The following TGFBR2 variants were observed in gnomAD, a reference collection of about 807,000 sequenced individuals.
The protein encoded by TGFBR2 is TGF-beta receptor type-2.
In TGFBR2, 18 loss-of-function variants were observed where a neutral mutation model predicts 49.0. That is an observed-to-expected ratio of 0.37 (90% CI 0.25 to 0.54). TGFBR2 has a LOEUF of 0.54. TGFBR2 is among the 20% of genes least tolerant of loss of function. The pLI, the probability that TGFBR2 is intolerant of heterozygous loss-of-function variation, is 0.85. For synonymous variants in TGFBR2, 282 were observed against 275.9 expected, an observed-to-expected ratio of 1.02 and a Z score of -0.22; for missense variants, 525 against 722.6, an observed-to-expected ratio of 0.73 and a Z score of 3.13.
At chr3:30,639,388 A>T (rs1698603398) in intron 1 of TGFBR2, among the ~76,000 whole-genome samples, 1 of 152,230 alleles carries the variant, frequency 6.6e-6, no homozygotes, top group South Asian at 2.1e-4. Flanking sequence ...GGCCTCATCC[A>T]ATCAACTGAA....
chr3:30,608,644 A>G (rs1697980428), intron 1 of TGFBR2, among the ~76,000 whole-genome samples: 1 of 152,220 alleles, frequency 6.6e-6, no homozygotes, highest in Non-Finnish European at 1.5e-5. Context: ...TTTAAAAATT[A>G]TGGCATACAT....
intron 3 of TGFBR2, among the ~76,000 whole-genome samples, chr3:30,666,211 AAATT>A (rs1358949493): frequency 6.6e-6 from 1 of 152,206 alleles, no homozygotes; most frequent in Non-Finnish European, 1.5e-5. Context: ...GGCCTTGGAT[AAATT>A]CCACCCTTAT....
chr3:30,671,589 T>C, intron 3 of TGFBR2, 49 bp from the exon 4 acceptor site: 2 of 1,600,420 alleles, frequency 1.2e-6, no homozygotes, highest in Non-Finnish European at 1.7e-6. Context: ...CTGACAGTAC[T>C]TACCTACCAC....
intron 1 of TGFBR2, among the ~76,000 whole-genome samples, chr3:30,618,742 G>T (rs1698176463): frequency 6.6e-6 from 1 of 152,160 alleles, no homozygotes; most frequent in South Asian, 2.1e-4. Flanking sequence ...TCAGGAAGTG[G>T]TTTTACTCTT....
chr3:30,607,009 C>A, intron 1 of TGFBR2, 32 bp downstream of exon 1: 1 of 1,540,428 alleles, frequency 6.5e-7, no homozygotes, highest in Non-Finnish European at 8.8e-7. Flanking sequence ...CTCGGCGGGG[C>A]GCCGGGGGTC....
At chr3:30,644,115 A>G (rs1011895867) in intron 1 of TGFBR2, among the ~76,000 whole-genome samples, 1 of 152,230 alleles carries the variant, frequency 6.6e-6, no homozygotes, top group East Asian at 1.9e-4. Context: ...ATTTGCCTCA[A>G]ACACAGAGAG....
chr3:30,668,314 C>A (rs1440334662), intron 3 of TGFBR2, among the ~76,000 whole-genome samples: 9 of 152,184 alleles, frequency 5.9e-5, no homozygotes, highest in Non-Finnish European at 1.3e-4. Flanking sequence ...ATCAGATAAT[C>A]AAGTGGATTT....
At chr3:30,629,262 A>G (rs1405734715) in intron 1 of TGFBR2, among the ~76,000 whole-genome samples, 1 of 152,226 alleles carries the variant, frequency 6.6e-6, no homozygotes, top group African/African-American at 2.4e-5. Flanking sequence ...GTTAATTTAA[A>G]TTTATAAATC....
At chr3:30,645,341 T>C (rs1698711394) in intron 2 of TGFBR2, among the ~76,000 whole-genome samples, 1 of 152,078 alleles carries the variant, frequency 6.6e-6, no homozygotes, top group African/African-American at 2.4e-5. Context: ...GGTTGGCTGT[T>C]GGAAGAGAAA....
intron 6 of TGFBR2, among the ~76,000 whole-genome samples, chr3:30,690,338 T>C (rs544657251): frequency 3.3e-5 from 5 of 152,350 alleles, no homozygotes; most frequent in Middle Eastern, 3.4e-3. Context: ...GAGAGAAAAC[T>C]CTTGCCACCT....
chr3:30,648,460 A>ACACACACACACACC (rs1553627538), intron 2 of TGFBR2, among the ~76,000 whole-genome samples: 8,050 of 142,346 alleles, frequency 0.057, 422 homozygotes, highest in South Asian at 0.08. Flanking sequence ...ACACACACAC[A>ACACACACACACACC]CAAAACTGTG....
At chr3:30,616,193 ATTTG>A (rs1269167017) in intron 1 of TGFBR2, among the ~76,000 whole-genome samples, 2 of 152,098 alleles carry the variant, frequency 1.3e-5, no homozygotes, top group East Asian at 1.9e-4. Flanking sequence ...TAATGGTAGG[ATTTG>A]TTTGTTGGTT....
chr3:30,640,651 A>G (rs561495149), intron 1 of TGFBR2, among the ~76,000 whole-genome samples: 124 of 136,314 alleles, frequency 9.1e-4, no homozygotes, highest in African/African-American at 2.9e-3. Flanking sequence ...ACAATCATCA[A>G]TTTTTTTAAA....
rs1699756461 is a variant in TGFBR2 at position 30,694,064 on chromosome 3, A to G, written c.*2465A>G. 4.3e-6 allele frequency: 1 copy of G among 230,584 alleles called. No individual in the cohort carries two copies. Among genetic ancestry groups the G allele is most frequent in the Non-Finnish European group, 8.6e-6 (1 of 116,210 alleles). The allele number at this position is 230,584 out of a possible 1,614,324, so 14.3% of individuals were successfully genotyped here. A position where few individuals can be genotyped will look rare whatever the true frequency, so the allele number is the denominator to read the frequency against. ...TATGCATTGTTTGTCTTTTACATAA[A>G]TAAAATGTTTATTAGATTGAATAAA... On this transcript the variant is annotated 3_prime_UTR_variant, in exon 7 of 7. Transcript: ENST00000295754.
chr3:30,622,880 A>G, intron 1 of TGFBR2, among the ~76,000 whole-genome samples: 1 of 4,184 alleles, frequency 2.4e-4, no homozygotes, highest in South Asian at 5.2e-3. Context: ...ACTTTGTCTC[A>G]AAAAAAAAAA....
intron 6 of TGFBR2, among the ~76,000 whole-genome samples, chr3:30,690,734 G>T (rs930520398): frequency 6.6e-6 from 1 of 152,170 alleles, no homozygotes; most frequent in Non-Finnish European, 1.5e-5. Flanking sequence ...GGGAATGGAG[G>T]GAGGGATGAA....
chr3:30,616,854 A>G (rs1389606746), intron 1 of TGFBR2, among the ~76,000 whole-genome samples: 2 of 152,182 alleles, frequency 1.3e-5, no homozygotes, highest in Non-Finnish European at 2.9e-5. Flanking sequence ...ATACATCCTG[A>G]CTAAATAGCA....
At chr3:30,620,781 C>A (rs994593071) in intron 1 of TGFBR2, among the ~76,000 whole-genome samples, 8 of 152,102 alleles carry the variant, frequency 5.3e-5, no homozygotes, top group Non-Finnish European at 8.8e-5. Context: ...TGATTTCAGT[C>A]ATTGGGATTG....
Position 30,693,408 on chromosome 3 carries a change from A to G in TGFBR2, c.*1809A>G, listed in dbSNP as rs6550008. The G allele has an allele frequency of 0.051, 12,010 of 233,690 alleles. 1,240 individuals carry two copies. Among genetic ancestry groups the G allele is most frequent in the African/African-American group, 0.23 (10,363 of 45,414 alleles). 14.5% of individuals were successfully genotyped at this position (233,690 alleles called of 1,614,324 possible). ...CTTGTTAATCAACAAAGAAGTGTTA[A>G]TGCTGCAAGTAATCTCTTTTTTAAA... On this transcript the variant is annotated 3_prime_UTR_variant, in exon 7 of 7. Coordinates refer to ENST00000295754, the MANE Select transcript of TGFBR2 (RefSeq NM_003242.6).
Sources: allele counts gnomAD v4.1 joint callset (sites outside exome capture counted in the v4.1 genomes callset), GRCh38; gene constraint gnomAD v4.1.1; transcripts MANE v1.5; gene names NCBI Gene and HGNC (gene_info 2026-07-23, HGNC 2026-07-21).